The following CDIN1 variants were observed in gnomAD, a reference collection of about 807,000 sequenced individuals.
CDIN1 encodes CDAN1-interacting nuclease 1.
In CDIN1, 33 loss-of-function variants were observed where a neutral mutation model predicts 45.3. That is an observed-to-expected ratio of 0.73 (90% CI 0.55 to 0.97). CDIN1 has a LOEUF of 0.97. Ranked by LOEUF, CDIN1 falls within the 50% of genes least tolerant of loss-of-function variation. The pLI is 0.00. For missense variants in CDIN1, 303 were observed against 339.4 expected (o/e 0.89, Z 0.84); for synonymous variants, 118 against 124.4 (o/e 0.95, Z 0.34).
chr15:36,617,718 C>A, intron 1 of CDIN1: 1 of 788,806 alleles, frequency 1.3e-6, no homozygotes, highest in Non-Finnish European at 2.3e-6. Context: ...TGAAACAACA[C>A]CAATAGAGGA....
chr15:36,615,657 C>T (rs1444164449), intron 1 of CDIN1, among the ~76,000 whole-genome samples: 2 of 152,192 alleles, frequency 1.3e-5, no homozygotes, highest in African/African-American at 2.4e-5. Context: ...GAACTCCTAG[C>T]CCAAAGCAAT....
chr15:36,645,993 A>G (rs1443776574), intron 3 of CDIN1, among the ~76,000 whole-genome samples: 1 of 152,030 alleles, frequency 6.6e-6, no homozygotes, highest in East Asian at 1.9e-4. Context: ...TAAAATTTGT[A>G]TTGTCATTGT....
chr15:36,738,628 T>C (rs1039264095), intron 10 of CDIN1, among the ~76,000 whole-genome samples: 38 of 152,314 alleles, frequency 2.5e-4, no homozygotes, highest in African/African-American at 7.2e-4. Context: ...GACTCCCTGT[T>C]ACATGAAGCA....
intron 10 of CDIN1, among the ~76,000 whole-genome samples, chr15:36,722,463 A>G (rs1464924932): frequency 6.6e-6 from 1 of 152,182 alleles, no homozygotes; most frequent in Non-Finnish European, 1.5e-5. Flanking sequence ...AAGGATTATA[A>G]TAAGCATACG....
At chr15:36,580,555 A>C (rs564603080) in intron 1 of CDIN1, among the ~76,000 whole-genome samples, 60 of 152,356 alleles carry the variant, frequency 3.9e-4, no homozygotes, top group African/African-American at 1.4e-3. Flanking sequence ...TATGTTATGC[A>C]TACACACATT....
At chr15:36,764,580 C>G (rs568030765) in intron 10 of CDIN1, among the ~76,000 whole-genome samples, 4 of 152,198 alleles carry the variant, frequency 2.6e-5, no homozygotes, top group Admixed American at 6.5e-5. Flanking sequence ...AAAGCTTCTA[C>G]CGGCATCCAG....
chr15:36,611,672 A>G (rs2038656045), intron 1 of CDIN1, among the ~76,000 whole-genome samples: 1 of 152,226 alleles, frequency 6.6e-6, no homozygotes. Context: ...TGTTTTGGGA[A>G]TCGAATACTT....
intron 3 of CDIN1, among the ~76,000 whole-genome samples, chr15:36,653,167 G>A (rs536620439): frequency 7.9e-5 from 12 of 152,214 alleles, no homozygotes; most frequent in African/African-American, 2.4e-4. Flanking sequence ...AATATGCTAC[G>A]TTACATGATA....
chr15:36,617,807 A>G (rs1327926005), intron 1 of CDIN1: 2 of 806,400 alleles, frequency 2.5e-6, no homozygotes, highest in Non-Finnish European at 4.4e-6. Context: ...CTGGTATATC[A>G]CTTTCCAGTC....
At position 36,773,705 on chromosome 15, in the gene CDIN1, A is replaced by G. The variant is rs972669153; in HGVS notation, c.717-34619A>G. On this transcript the variant is annotated intron_variant, in intron 10 of 10. Coordinates refer to ENST00000566621, the MANE Select transcript of CDIN1 (RefSeq NM_001321759.2). ...GAACCTGGCACATTCAAAGAACTGT[A>G]TCTGACTCTATATGGCTAGATATTA... 1.7e-4 allele frequency among the ~76,000 whole-genome samples: 26 copies of G among 152,254 alleles called. 1 individual carries two copies. The highest frequency in any genetic ancestry group is 1.5e-3 in the Admixed American group (23 of 15,292).
At chr15:36,793,775 T>C (rs1482973611) in intron 10 of CDIN1, among the ~76,000 whole-genome samples, 2 of 152,184 alleles carry the variant, frequency 1.3e-5, no homozygotes, top group Admixed American at 1.3e-4. Flanking sequence ...TGGGCAGCTT[T>C]AGAAATTGCC....
chr15:36,691,058 G>GTC, intron 5 of CDIN1: 1 of 464,684 alleles, frequency 2.2e-6, no homozygotes, highest in Middle Eastern at 4.6e-4. Flanking sequence ...GTGTGTGTGT[G>GTC]TCTCTCTCTG....
At chr15:36,592,475 G>C (rs1753862775) in intron 1 of CDIN1, among the ~76,000 whole-genome samples, 1 of 152,166 alleles carries the variant, frequency 6.6e-6, no homozygotes, top group Non-Finnish European at 1.5e-5. Context: ...ATGGCTCCAA[G>C]GGATGTCTTT....
At chr15:36,762,971 A>G (rs1425238657) in intron 10 of CDIN1, among the ~76,000 whole-genome samples, 1 of 152,138 alleles carries the variant, frequency 6.6e-6, no homozygotes, top group Non-Finnish European at 1.5e-5. Flanking sequence ...ATGTGTCTTT[A>G]TAGCAGCATG....
chr15:36,767,341 G>A (rs1184953041), intron 10 of CDIN1, among the ~76,000 whole-genome samples: 3 of 152,162 alleles, frequency 2.0e-5, no homozygotes, highest in Admixed American at 6.5e-5. Flanking sequence ...AGTCAGATCT[G>A]AGCATAACAA....
chr15:36,802,655 G>C (rs1751994841), intron 10 of CDIN1, among the ~76,000 whole-genome samples: 1 of 151,956 alleles, frequency 6.6e-6, no homozygotes, highest in South Asian at 2.1e-4. Context: ...GCAAGGAAAG[G>C]GGAGTATTTA....
At chr15:36,671,782 A>C (rs774609784) in intron 5 of CDIN1, among the ~76,000 whole-genome samples, 11 of 152,040 alleles carry the variant, frequency 7.2e-5, no homozygotes, top group Non-Finnish European at 1.5e-4. Context: ...TCCTCTTACA[A>C]TTGTCTTCCT....
chr15:36,600,300 C>G (rs141296129), intron 1 of CDIN1, among the ~76,000 whole-genome samples: 1 of 152,148 alleles, frequency 6.6e-6, no homozygotes, highest in Admixed American at 6.5e-5. Flanking sequence ...GAAAAGGGGC[C>G]CTGTGTGGAG....
At chr15:36,792,097 G>T (rs996267424) in intron 10 of CDIN1, among the ~76,000 whole-genome samples, 1 of 152,172 alleles carries the variant, frequency 6.6e-6, no homozygotes, top group African/African-American at 2.4e-5. Flanking sequence ...GCCTCTAAAA[G>T]AAAGACCGTC....
Sources: allele counts gnomAD v4.1 joint callset (sites outside exome capture counted in the v4.1 genomes callset), GRCh38; gene constraint gnomAD v4.1.1; transcripts MANE v1.5; gene names NCBI Gene and HGNC (gene_info 2026-07-23, HGNC 2026-07-21).